LUC7L2: variants seen among roughly 807,000 people sequenced by gnomAD.
The protein encoded by LUC7L2 is putative RNA-binding protein Luc7-like 2.
LUC7L2 carries 25 observed loss-of-function variants against 52.8 expected under a neutral mutation model. The ratio of observed to expected loss-of-function variants is 0.47; its 90% confidence interval spans 0.34 to 0.66. The LOEUF is 0.66. Among genes scored for constraint, LUC7L2 ranks in the 30% least tolerant of loss-of-function variants. The pLI is 0.01. For missense variants in LUC7L2, 328 were observed against 497.8 expected (o/e 0.66, Z 3.25); for synonymous variants, 144 against 160.9 (o/e 0.89, Z 0.80).
At chr7:139,415,594 T>G (rs1795557962) in intron 8 of LUC7L2, among the ~76,000 whole-genome samples, 1 of 110,112 alleles carries the variant, frequency 9.1e-6, no homozygotes, top group Admixed American at 8.8e-5. Flanking sequence ...TTTTTTTTTT[T>G]GAGACAGGGT....
At chr7:139,353,186 G>A (rs1799505951) in intron 1 of LUC7L2, among the ~76,000 whole-genome samples, 2 of 152,092 alleles carry the variant, frequency 1.3e-5, no homozygotes, top group South Asian at 4.1e-4. Flanking sequence ...GACAGAGCAA[G>A]ACTGTCCCAA....
At chr7:139,364,626 C>G (rs1432668378) in intron 1 of LUC7L2, among the ~76,000 whole-genome samples, 1 of 152,210 alleles carries the variant, frequency 6.6e-6, no homozygotes, top group African/African-American at 2.4e-5. Flanking sequence ...TACTCATCCT[C>G]ATACCCAGGA....
intron 3 of LUC7L2, among the ~76,000 whole-genome samples, chr7:139,401,641 C>T (rs191566888): frequency 1.7e-4 from 26 of 151,848 alleles, no homozygotes; most frequent in African/African-American, 4.8e-4. Context: ...TTAGTAGAGA[C>T]GAGGTTTCAC....
At chr7:139,399,471 TTTTTTTTTTTTTTTTTG>T (rs1794805255) in intron 3 of LUC7L2, among the ~76,000 whole-genome samples, 1 of 115,088 alleles carries the variant, frequency 8.7e-6, no homozygotes, top group African/African-American at 3.2e-5. Flanking sequence ...TTTTTTTTTT[TTTTTTTTTTTTTTTTTG>T]AGACAGAGTC....
At chr7:139,393,221 T>G (rs1794520810) in intron 2 of LUC7L2, among the ~76,000 whole-genome samples, 1 of 151,376 alleles carries the variant, frequency 6.6e-6, no homozygotes, top group South Asian at 2.1e-4. Context: ...GAGCTGAGAT[T>G]GCACCACTGC....
intron 1 of LUC7L2, among the ~76,000 whole-genome samples, chr7:139,350,409 C>CCG (rs1799416937): frequency 6.6e-6 from 1 of 152,140 alleles, no homozygotes; most frequent in Non-Finnish European, 1.5e-5. Context: ...GTGTGAGCCA[C>CCG]TGCACCCAGC....
chr7:139,415,313 AG>A (rs888548888), intron 8 of LUC7L2, among the ~76,000 whole-genome samples: 17 of 151,844 alleles, frequency 1.1e-4, no homozygotes, highest in Middle Eastern at 6.8e-3. Context: ...AGTTTAGTGC[AG>A]GAACTTTGTT....
chr7:139,388,264 A>G (rs1022620746), intron 2 of LUC7L2, among the ~76,000 whole-genome samples: 2 of 152,096 alleles, frequency 1.3e-5, no homozygotes, highest in African/African-American at 4.8e-5. Context: ...TTGCATATCT[A>G]GGGTCAGAAA....
rs923483977 is a variant in LUC7L2 at position 139,405,532 on chromosome 7, T to C, written c.367-112T>C. On this transcript the variant is annotated intron_variant, in intron 4 of 9. Coordinates refer to ENST00000354926, the MANE Select transcript of LUC7L2 (RefSeq NM_016019.5). ...TGGGATACGCTCAGAAAGCATTCTT[T>C]AACCACATACTGCCTTAGATAACAA... The C allele has an allele frequency of 6.0e-6, 8 of 1,330,882 alleles. No homozygotes were observed. The African/African-American group carries it at 1.0e-4, about 17-fold the overall frequency. The allele number at this position is 1,330,882 out of a possible 1,614,324, so 82.4% of individuals were successfully genotyped here. A position where few individuals can be genotyped will look rare whatever the true frequency, so the allele number is the denominator to read the frequency against.
chr7:139,412,536 A>ACTT lies in LUC7L2; in HGVS notation c.780-15_780-14insCTT. 13 of 1,427,846 alleles carry ACTT rather than the reference A, an allele frequency of 9.1e-6. No individual in the cohort carries two copies. The highest frequency in any genetic ancestry group is 3.9e-5 in the Admixed American group (2 of 51,130). The allele number at this position is 1,427,846 out of a possible 1,614,324, so 88.4% of individuals were successfully genotyped here. A position where few individuals can be genotyped will look rare whatever the true frequency, so the allele number is the denominator to read the frequency against. ...TATAGCCACTTTTCTAAAAATACATATTTTTTTTTTTTAGGTCCCGATCAC... is the reference window on the plus strand; with the variant it reads ...TATAGCCACTTTTCTAAAAATACATACTTTTTTTTTTTTTTAGGTCCCGATCAC... On this transcript the variant is annotated splice_polypyrimidine_tract_variant and intron_variant, in intron 7 of 9. Transcript: ENST00000354926.
chr7:139,396,412 C>T (rs1794665799), intron 2 of LUC7L2, among the ~76,000 whole-genome samples: 1 of 152,110 alleles, frequency 6.6e-6, no homozygotes, highest in African/African-American at 2.4e-5. Context: ...CACTACACTC[C>T]AGCCTAGGTG....
In LUC7L2 at chr7:139,360,223, G is replaced by A. The variant is rs1290676401; in HGVS notation, c.-39G>A. The A allele has an allele frequency of 6.6e-7, 1 of 1,516,812 alleles. No homozygotes were observed. Among genetic ancestry groups the A allele is most frequent in the African/African-American group, 1.4e-5 (1 of 71,800 alleles). 94.0% of individuals were successfully genotyped at this position (1,516,812 alleles called of 1,614,324 possible). The stretch of plus-strand genomic sequence containing the variant: ...CCCCCAGCCCAAAAGGGCCCGGTCT[G>A]CGCCCCACCCCCGCCCGTCCGCCCG... On this transcript the variant is annotated 5_prime_UTR_variant, in exon 1 of 10. Coordinates refer to ENST00000354926, the MANE Select transcript of LUC7L2 (RefSeq NM_016019.5).
chr7:139,347,112 T>A (rs1197610425), intron 1 of LUC7L2, among the ~76,000 whole-genome samples: 2 of 152,206 alleles, frequency 1.3e-5, no homozygotes, highest in South Asian at 2.1e-4. Flanking sequence ...TTTGGCTCCT[T>A]TATGGTATAT....
intron 7 of LUC7L2, among the ~76,000 whole-genome samples, chr7:139,410,536 T>A (rs1795315731): frequency 1.6e-5 from 2 of 127,206 alleles, no homozygotes; most frequent in Non-Finnish European, 3.1e-5. Context: ...CTTTTACCAT[T>A]GGCAGCTAAA....
chr7:139,357,802 C>T (rs1799650927), upstream of LUC7L2, among the ~76,000 whole-genome samples: 2 of 151,990 alleles, frequency 1.3e-5, no homozygotes, highest in African/African-American at 4.8e-5. Flanking sequence ...AGCGGTTCTC[C>T]TGCCTCAGCC....
In LUC7L2 at chr7:139,417,856, C is replaced by T. The variant is rs866183411; in HGVS notation, c.1001+127C>T. 5 of 1,280,542 alleles carry T rather than the reference C, an allele frequency of 3.9e-6. No homozygotes were observed. The African/African-American group carries it at 6.1e-5, about 16-fold the overall frequency. 79.3% of individuals were successfully genotyped at this position (1,280,542 alleles called of 1,614,324 possible). On this transcript the variant is annotated intron_variant, in intron 9 of 9. Coordinates refer to ENST00000354926, the MANE Select transcript of LUC7L2 (RefSeq NM_016019.5). ...AAACTTTTGCATCTGGTAATATGTA[C>T]ACATTTATGTGTGGGTGTACAACAT... is the stretch of plus-strand genomic sequence containing the variant.
Position 139,405,691 on chromosome 7 carries a change from C to A in LUC7L2, c.414C>A (p.Ala138=). 6.2e-7 allele frequency: 1 copy of A among 1,612,048 alleles called. No homozygotes were observed. Among genetic ancestry groups the A allele is most frequent in the East Asian group, 2.2e-5 (1 of 44,672 alleles). Residue 138 remains alanine (A), a synonymous_variant, in exon 5 of 10, where the codon GCC becomes GCA. Transcript: ENST00000354926. ...ELNEEIGKLL[A]KVEQLGAEGN... ...ATGAAGAAATTGGTAAATTGTTAGC[C>A]AAGGTGGAACAACTAGGAGCTGAAG...
In LUC7L2 at chr7:139,363,973, A is replaced by G. The variant is rs566905131; in HGVS notation, c.61+3651A>G. ...AATTGAGGGTGTGGATTTAGATTAC[A>G]TCCTTTTTTTTTTTTTTTTTTTTTT... On this transcript the variant is annotated intron_variant, in intron 1 of 9. Transcript: ENST00000354926. Among the ~76,000 whole-genome samples, 173 of 127,036 alleles carry G rather than the reference A, an allele frequency of 1.4e-3. 1 individual carries two copies. The highest frequency in any genetic ancestry group is 5.6e-3 in the African/African-American group (160 of 28,522). 83.3% of individuals were successfully genotyped at this position (127,036 alleles called of 152,430 possible).
chr7:139,364,239 C>A (rs994164048), intron 1 of LUC7L2, among the ~76,000 whole-genome samples: 2 of 151,792 alleles, frequency 1.3e-5, no homozygotes, highest in African/African-American at 2.4e-5. Flanking sequence ...CCATGCCCAG[C>A]CTAGATTACA....
Sources: gnomAD v4.1 joint callset for allele counts (sites outside exome capture counted in the v4.1 genomes callset) on GRCh38, gnomAD v4.1.1 for gene constraint, MANE v1.5 for transcripts, NCBI Gene and HGNC (gene_info 2026-07-23, HGNC 2026-07-21) for gene names.